OPA1: variants seen among roughly 807,000 people sequenced by gnomAD.
OPA1 encodes the protein dynamin-like GTPase OPA1, mitochondrial.
In OPA1, 59 loss-of-function variants were observed where a neutral mutation model predicts 152.9. That is an observed-to-expected ratio of 0.39 (90% confidence interval 0.31 to 0.48). The LOEUF (loss-of-function observed/expected upper bound fraction) is 0.48, where lower values mean the gene tolerates loss of function less well. Among genes scored for constraint, OPA1 ranks in the 20% least tolerant of loss-of-function variants. OPA1 has a pLI of 0.96. For synonymous variants in OPA1, 400 were observed against 389.9 expected, an observed-to-expected ratio of 1.03 and a Z score of -0.31; for missense variants, 1,008 against 1,216.8, an observed-to-expected ratio of 0.83 and a Z score of 2.55.
At chr3:193,655,605 G>GT (rs199815207) in intron 22 of OPA1, among the ~76,000 whole-genome samples, 2,285 of 152,270 alleles carry the variant, frequency 0.015, 18 homozygotes, top group Middle Eastern at 0.031. Flanking sequence ...TTTCCTATGT[G>GT]TTTTTTCATC....
At chr3:193,626,264 T>G (rs1731122046) in intron 7 of OPA1, 62 bp downstream of exon 7, 20 of 1,119,258 alleles carry the variant, frequency 1.8e-5, no homozygotes, top group Non-Finnish European at 2.5e-5. Context: ...TCTGCCAAGA[T>G]CATGTCACCT....
intron 1 of OPA1, among the ~76,000 whole-genome samples, chr3:193,595,872 C>G (rs985699412): frequency 6.6e-6 from 1 of 152,024 alleles, no homozygotes; most frequent in African/African-American, 2.4e-5. Context: ...TATGTTATGT[C>G]CGTGATTTCC....
At chr3:193,601,988 G>A (rs1320263400) in intron 1 of OPA1, among the ~76,000 whole-genome samples, 1 of 152,156 alleles carries the variant, frequency 6.6e-6, no homozygotes, top group Non-Finnish European at 1.5e-5. Context: ...AGCTTGAGCT[G>A]AAGCCATCCA....
chr3:193,695,061 T>C lies in OPA1; in HGVS notation c.*461T>C, dbSNP rs1483221368. 6.6e-6 allele frequency: 1 copy of C among 152,238 alleles called. No homozygotes were observed. The highest frequency in any genetic ancestry group is 1.5e-5 in the Non-Finnish European group (1 of 68,032). The allele number at this position is 152,238 out of a possible 1,614,324, so 9.4% of individuals were successfully genotyped here. The stretch of plus-strand genomic sequence containing the variant: ...AAAATCACAGTAGCCTGCTAAATCA[T>C]TGTATGTGTCTGTAGTATTCTATTC... On this transcript the variant is annotated 3_prime_UTR_variant, in exon 31 of 31. Transcript: ENST00000361510.
At position 193,644,033 on chromosome 3, in the gene OPA1, T is replaced by G. The variant is rs1426903504; in HGVS notation, c.1536T>G (p.Pro512=). The G allele has an allele frequency of 6.2e-7, 1 of 1,613,864 alleles. No individual in the cohort carries two copies. Among genetic ancestry groups the G allele is most frequent in the Admixed American group, 1.7e-5 (1 of 60,014 alleles). ...CAGACTTGGTCAGTCAAATGGACCCTCATGGAAGGAGAACCATATTCGTTT... is the reference window on the plus strand; with the variant it reads ...CAGACTTGGTCAGTCAAATGGACCCGCATGGAAGGAGAACCATATTCGTTT... ...IVTDLVSQMD[P]HGRRTIFVLT... The change falls in exon 16 of 31, where the codon CCT becomes CCG. Residue 512 remains proline, a synonymous_variant. Coordinates refer to ENST00000361510, the MANE Select transcript of OPA1 (RefSeq NM_130837.3).
chr3:193,688,277 G>C (rs781368830), intron 29 of OPA1, among the ~76,000 whole-genome samples: 133 of 151,900 alleles, frequency 8.8e-4, no homozygotes, highest in Non-Finnish European at 1.4e-3. Context: ...TTGTACTCCT[G>C]TATTGTTCTC....
rs113260472 is a variant in OPA1 at position 193,594,286 on chromosome 3, C to T, written c.32+877C>T. Among the ~76,000 whole-genome samples the T allele has an allele frequency of 3.9e-5, 6 of 152,266 alleles. 1 individual carries two copies. Among genetic ancestry groups the T allele is most frequent in the East Asian group, 1.9e-4 (1 of 5,178 alleles). On this transcript the variant is annotated intron_variant, in intron 1 of 30. Transcript: ENST00000361510. ...AGCAAAATTGGAAAAACGTGGTTTT[C>T]CTGAATTAACTTCTAAGCAGTTGTT...
intron 26 of OPA1, among the ~76,000 whole-genome samples, chr3:193,663,478 A>G (rs1483955047): frequency 6.6e-6 from 1 of 152,136 alleles, no homozygotes; most frequent in East Asian, 1.9e-4. Flanking sequence ...TCTACACTTT[A>G]GGCTACTTTT....
chr3:193,604,251 A>T (rs1726888001), intron 1 of OPA1, among the ~76,000 whole-genome samples: 1 of 152,182 alleles, frequency 6.6e-6, no homozygotes, highest in Admixed American at 6.5e-5. Flanking sequence ...AACAAAGTGA[A>T]AGGTTTAGTG....
Position 193,637,238 on chromosome 3 carries a change from C to T in OPA1, c.992C>T (p.Ser331Phe). ...TATTCTGAAGTTCTTGATGTTCTCT[C>T]TGATTATGATGCCAGTTATAATACG... ...DMYSEVLDVL[S>F]DYDASYNTQD... The change falls in exon 10 of 31, where the codon TCT (serine) becomes TTT (phenylalanine). Residue 331 changes from serine to phenylalanine, a missense_variant. This residue lies in a region of OPA1 where 408 missense variants were observed against 395.1 expected (regional missense o/e 1.03). Transcript: ENST00000361510. 3 of 1,607,960 alleles carry T rather than the reference C, an allele frequency of 1.9e-6. No homozygotes were observed. Among genetic ancestry groups the T allele is most frequent in the Non-Finnish European group, 2.6e-6 (3 of 1,176,162 alleles).
At chr3:193,662,396 G>A (rs1218386395) in intron 25 of OPA1, among the ~76,000 whole-genome samples, 3 of 152,082 alleles carry the variant, frequency 2.0e-5, no homozygotes, top group Admixed American at 6.6e-5. Context: ...CAGTAATCTC[G>A]TTCTTAAGTA....
At chr3:193,618,042 G>T (rs766473164) in intron 5 of OPA1, among the ~76,000 whole-genome samples, 7 of 152,048 alleles carry the variant, frequency 4.6e-5, no homozygotes, top group Non-Finnish European at 8.8e-5. Context: ...TCTTAAATAT[G>T]TATGTGTATT....
intron 1 of OPA1, among the ~76,000 whole-genome samples, chr3:193,604,869 A>AAAGAAAG (rs1553867622): frequency 8.9e-5 from 13 of 145,882 alleles, no homozygotes; most frequent in African/African-American, 3.1e-4. Flanking sequence ...TCAAAAAAAA[A>AAAGAAAG]AAAAAAGAAA....
In OPA1 at chr3:193,643,561, G is replaced by A. The variant is rs1357216250; in HGVS notation, c.1411G>A (p.Glu471Lys). 5.0e-6 allele frequency: 8 copies of A among 1,613,732 alleles called. No homozygotes were observed. The highest frequency in any genetic ancestry group is 1.7e-5 in the Admixed American group (1 of 60,000). The change falls in exon 15 of 31, where the codon GAA becomes AAA. Residue 471 changes from glutamate (E) to lysine (K), a missense_variant. Glu to Lys is a moderately conservative substitution (Grantham distance 56, BLOSUM62 1). Coordinates refer to ENST00000361510, the MANE Select transcript of OPA1 (RefSeq NM_130837.3). ...VTSGMAPDTK[E>K]TIFSISKAYM... ...ATCAGGCATGGCTCCTGACACAAAGGAAACTATTTTCAGTATCAGCAAAGC... is the reference window on the plus strand; with the variant it reads ...ATCAGGCATGGCTCCTGACACAAAGAAAACTATTTTCAGTATCAGCAAAGC...
Position 193,637,995 on chromosome 3 carries a change from T to A in OPA1, c.1079T>A (p.Leu360Ter). ...CAGAGTGCTGGAAAGACTAGTGTGT[T>A]GGAAATGATTGCCCAAGCTCGAATA... ...GDQSAGKTSVLEMIAQARIFP... is the reference protein window; with the variant it reads ...GDQSAGKTSV The change falls in exon 11 of 31, where the codon TTG becomes TAG. Residue 360 changes from leucine to a stop codon, truncating the protein, a stop_gained. Coordinates refer to ENST00000361510, the MANE Select transcript of OPA1 (RefSeq NM_130837.3). LOFTEE classifies it high-confidence loss of function. The A allele has an allele frequency of 6.2e-7, 1 of 1,614,128 alleles. No individual in the cohort carries two copies.
chr3:193,691,175 A>G (rs953588979), intron 29 of OPA1, among the ~76,000 whole-genome samples: 1 of 152,242 alleles, frequency 6.6e-6, no homozygotes, highest in African/African-American at 2.4e-5. Flanking sequence ...AAGCCCTGCC[A>G]ACACCACTGC....
At chr3:193,647,212 T>C in intron 19 of OPA1, 32 bp downstream of exon 19, 1 of 1,381,066 alleles carries the variant, frequency 7.2e-7, no homozygotes, top group Non-Finnish European at 1.0e-6. Context: ...AGCAAGCAAA[T>C]TAAGACATTT....
At position 193,644,105 on chromosome 3, in the gene OPA1, G is replaced by A. The variant is rs747972653; in HGVS notation, c.1608G>A (p.Arg536=). ...AGAAAAATGTAGCCAGTCCAAGCAGGGTGAGGTCAAATTCTTTGTTGCGAG... is the reference window on the plus strand; with the variant it reads ...AGAAAAATGTAGCCAGTCCAAGCAGAGTGAGGTCAAATTCTTTGTTGCGAG... ...LAEKNVASPS[R]IQQIIEGKLF... Residue 536 remains arginine (R), a splice_region_variant and synonymous_variant, in exon 16 of 31, where the codon AGG becomes AGA. Coordinates refer to ENST00000361510, the MANE Select transcript of OPA1 (RefSeq NM_130837.3). 4 of 1,613,190 alleles carry A rather than the reference G, an allele frequency of 2.5e-6. No homozygotes were observed. The highest frequency in any genetic ancestry group is 3.4e-6 in the Non-Finnish European group (4 of 1,179,576).
chr3:193,686,572 T>C (rs773310637), intron 29 of OPA1, among the ~76,000 whole-genome samples: 14 of 152,234 alleles, frequency 9.2e-5, no homozygotes, highest in Non-Finnish European at 1.3e-4. Flanking sequence ...GCTACAGTTT[T>C]GAGAATCTTG....
Sources: allele counts gnomAD v4.1 joint callset (sites outside exome capture counted in the v4.1 genomes callset), GRCh38; gene constraint gnomAD v4.1.1; regional missense constraint gnomAD v4.1.1; transcripts MANE v1.5; gene names NCBI Gene and HGNC (gene_info 2026-07-23, HGNC 2026-07-21).